Variants in PIK3C2G observed in about 807,000 individuals in gnomAD.
PIK3C2G encodes the protein phosphatidylinositol-4-phosphate 3-kinase catalytic subunit type 2 gamma.
In PIK3C2G, 168 loss-of-function variants were observed where a neutral mutation model predicts 181.1. The ratio of observed to expected loss-of-function variants is 0.93; its 90% CI spans 0.82 to 1.05. The LOEUF (loss-of-function observed/expected upper bound fraction) is 1.05, where lower values mean the gene tolerates loss of function less well. PIK3C2G is among the 50% of genes least tolerant of loss of function. The pLI, the probability that PIK3C2G is intolerant of heterozygous loss-of-function variation, is 0.00. For missense variants in PIK3C2G, 1,869 were observed against 1,732.8 expected, an observed-to-expected ratio of 1.08 and a Z score of -1.40; for synonymous variants, 573 against 592.2, an observed-to-expected ratio of 0.97 and a Z score of 0.47.
At chr12:18,481,631 T>C (rs1010913232) in intron 18 of PIK3C2G, among the ~76,000 whole-genome samples, 9 of 152,228 alleles carry the variant, frequency 5.9e-5, no homozygotes, top group Non-Finnish European at 1.3e-4. Flanking sequence ...AATAACCTAT[T>C]GCAAAAGAAA....
chr12:18,472,300 T>G (rs546893666), intron 18 of PIK3C2G, among the ~76,000 whole-genome samples: 69 of 152,328 alleles, frequency 4.5e-4, no homozygotes, highest in Non-Finnish European at 8.4e-4. Context: ...AAAACATCTA[T>G]AAATATTTTA....
chr12:18,352,524 C>T (rs1940316059), intron 11 of PIK3C2G, among the ~76,000 whole-genome samples: 1 of 152,156 alleles, frequency 6.6e-6, no homozygotes, highest in African/African-American at 2.4e-5. Flanking sequence ...TACTCAAAAT[C>T]CCTGGATCCC....
downstream of PIK3C2G, among the ~76,000 whole-genome samples, chr12:18,650,319 C>CTA (rs1327950260): frequency 4.7e-4 from 45 of 96,738 alleles, no homozygotes; most frequent in Non-Finnish European, 6.2e-4. Context: ...CTCTCTCTCT[C>CTA]TCTCTCTCTC....
chr12:18,290,555 A>G (rs1949646953), intron 3 of PIK3C2G, among the ~76,000 whole-genome samples: 1 of 152,214 alleles, frequency 6.6e-6, no homozygotes, highest in South Asian at 2.1e-4. Context: ...AATAATATTC[A>G]GCGTGAATCC....
At chr12:18,639,441 A>AG in intron 31 of PIK3C2G, among the ~76,000 whole-genome samples, 1 of 152,156 alleles carries the variant, frequency 6.6e-6, no homozygotes. Flanking sequence ...AAACAAAACA[A>AG]GCACTTAATT....
chr12:18,581,397 A>G (rs1946492505), intron 29 of PIK3C2G, among the ~76,000 whole-genome samples: 1 of 152,252 alleles, frequency 6.6e-6, no homozygotes, highest in Non-Finnish European at 1.5e-5. Context: ...TTGATACCAA[A>G]GGACAGTAAC....
intron 16 of PIK3C2G, among the ~76,000 whole-genome samples, 189 bp downstream of exon 16, chr12:18,400,036 G>A (rs1000486306): frequency 1.3e-5 from 2 of 152,116 alleles, no homozygotes; most frequent in Non-Finnish European, 2.9e-5. Flanking sequence ...AATCATGTCT[G>A]CTGCCCTAAG....
intron 1 of PIK3C2G, among the ~76,000 whole-genome samples, chr12:18,264,910 C>T (rs953710766): frequency 1.3e-5 from 2 of 152,182 alleles, no homozygotes; most frequent in African/African-American, 4.8e-5. Flanking sequence ...AGACTAATAA[C>T]CCACTGTAGA....
At chr12:18,435,183 A>G (rs999939247) in intron 18 of PIK3C2G, among the ~76,000 whole-genome samples, 2 of 152,216 alleles carry the variant, frequency 1.3e-5, no homozygotes, top group African/African-American at 4.8e-5. Context: ...TAAGATATCC[A>G]ACACAGAAAA....
At chr12:18,392,099 G>T (rs1275270603) in intron 15 of PIK3C2G, among the ~76,000 whole-genome samples, 1 of 152,138 alleles carries the variant, frequency 6.6e-6, no homozygotes, top group Non-Finnish European at 1.5e-5. Context: ...GTTTAGGCAA[G>T]AGGCCATGAT....
At chr12:18,386,751 A>C (rs1305593076) in intron 14 of PIK3C2G, among the ~76,000 whole-genome samples, 1 of 152,084 alleles carries the variant, frequency 6.6e-6, no homozygotes, top group African/African-American at 2.4e-5. Flanking sequence ...TCCACTATTT[A>C]GCTATTAAGA....
chr12:18,631,460 G>A (rs2136727748), intron 31 of PIK3C2G, among the ~76,000 whole-genome samples: 1 of 152,258 alleles, frequency 6.6e-6, no homozygotes, highest in African/African-American at 2.4e-5. Context: ...TATACAAATG[G>A]ATTTTCTTCT....
intron 18 of PIK3C2G, among the ~76,000 whole-genome samples, chr12:18,472,514 G>A (rs1020327589): frequency 5.9e-5 from 9 of 152,026 alleles, no homozygotes; most frequent in Admixed American, 5.2e-4. Context: ...TGGTCATCAC[G>A]ATCACCCTCA....
rs1950265129 is a variant in PIK3C2G, at chr12:18,648,361, A to G, written c.*333A>G. 4.4e-6 allele frequency: 1 copy of G among 224,922 alleles called. No individual in the cohort carries two copies. Among genetic ancestry groups the G allele is most frequent in the South Asian group, 1.8e-4 (1 of 5,456 alleles). The allele number at this position is 224,922 out of a possible 1,614,324, so 13.9% of individuals were successfully genotyped here. A position where few individuals can be genotyped will look rare whatever the true frequency, so the allele number is the denominator to read the frequency against. On this transcript the variant is annotated 3_prime_UTR_variant, in exon 33 of 33. Coordinates refer to ENST00000538779, the MANE Select transcript of PIK3C2G (RefSeq NM_001288772.2). ...TTGTGTGCCTACAGTTAAAAGCAGT[A>G]TTTTTAATGTATTTTATAAGAAAGA...
chr12:18,348,128 G>A (rs564952205), intron 11 of PIK3C2G, among the ~76,000 whole-genome samples: 38 of 151,512 alleles, frequency 2.5e-4, no homozygotes, highest in African/African-American at 7.0e-4. Flanking sequence ...CCCTATAGCC[G>A]GATAAATACA....
intron 1 of PIK3C2G, among the ~76,000 whole-genome samples, chr12:18,262,460 G>A (rs902462292): frequency 2.0e-5 from 3 of 151,850 alleles, no homozygotes; most frequent in Non-Finnish European, 4.4e-5. Context: ...TTTAATCAAG[G>A]TTTTCTTATT....
intron 14 of PIK3C2G, among the ~76,000 whole-genome samples, chr12:18,389,008 T>A (rs1943363218): frequency 6.6e-6 from 1 of 152,180 alleles, no homozygotes. Context: ...ATAGATGTCA[T>A]GGCGCATGCA....
At chr12:18,556,765 C>T (rs1043345985) in intron 26 of PIK3C2G, among the ~76,000 whole-genome samples, 2 of 152,050 alleles carry the variant, frequency 1.3e-5, no homozygotes, top group Non-Finnish European at 2.9e-5. Flanking sequence ...CACTGTGCAC[C>T]TGTAAATTCA....
the PIK3C2G span, among the ~76,000 whole-genome samples, chr12:18,691,165 G>T: frequency 6.6e-6 from 1 of 152,074 alleles, no homozygotes; most frequent in East Asian, 1.9e-4. Context: ...ATTTAACGTT[G>T]GTCTGGATGT....
Sources: gnomAD v4.1 joint callset for allele counts (sites outside exome capture counted in the v4.1 genomes callset) on GRCh38, gnomAD v4.1.1 for gene constraint, MANE v1.5 for transcripts, NCBI Gene and HGNC (gene_info 2026-07-23, HGNC 2026-07-21) for gene names.